The following TRAPPC12 variants were observed in gnomAD, a reference collection of about 807,000 sequenced individuals.
The protein encoded by TRAPPC12 is trafficking protein particle complex subunit 12, also known as TPR repeat protein 15.
In TRAPPC12, 61 loss-of-function variants were observed where a neutral mutation model predicts 69.2. The observed-to-expected ratio is 0.88, with a 90% confidence interval of 0.72 to 1.09. The LOEUF is 1.09. TRAPPC12 is among the 50% of genes least tolerant of loss of function. The pLI is 0.00. For synonymous variants in TRAPPC12, 469 were observed against 438.9 expected, an observed-to-expected ratio of 1.07 and a Z score of -0.86; for missense variants, 1,101 against 1,016.4, an observed-to-expected ratio of 1.08 and a Z score of -1.13.
rs748441197 is a variant in TRAPPC12 at position 3,388,548 on chromosome 2, G to A, written c.925G>A (p.Ala309Thr). ...GAGCGAGATGGACCGGAGGAACGAC[G>A]CCTGGCTTCCCGGCGAGGCTACGCG... is the stretch of plus-strand genomic sequence containing the variant. ...SMSEMDRRND[A>T]WLPGEATRGV... The change falls in exon 2 of 12, where the codon GCC becomes ACC. Residue 309 changes from alanine (A) to threonine (T), a missense_variant. Physicochemically the swap from Ala to Thr is moderately conservative, Grantham distance 58 (BLOSUM62 0). Coordinates refer to ENST00000324266, the MANE Select transcript of TRAPPC12 (RefSeq NM_016030.6). 5.6e-6 allele frequency: 9 copies of A among 1,613,074 alleles called. No individual in the cohort carries two copies. Among genetic ancestry groups the A allele is most frequent in the Non-Finnish European group, 7.6e-6 (9 of 1,179,758 alleles).
At chr2:3,442,474 C>CAT (rs1664276855) in intron 5 of TRAPPC12, among the ~76,000 whole-genome samples, 2 of 152,092 alleles carry the variant, frequency 1.3e-5, no homozygotes, top group South Asian at 4.1e-4. Context: ...TGCGGATGGT[C>CAT]TAGAAATGTT....
chr2:3,478,094 G>A (rs554009899), intron 10 of TRAPPC12: 4 of 214,952 alleles, frequency 1.9e-5, no homozygotes, highest in East Asian at 1.0e-4. Context: ...CTGGCGTAGC[G>A]GCCGTTCTGG....
intron 8 of TRAPPC12, among the ~76,000 whole-genome samples, chr2:3,463,944 G>A (rs1292201417): frequency 1.3e-5 from 2 of 152,132 alleles, no homozygotes; most frequent in African/African-American, 4.8e-5. Context: ...GGTGCAAGCT[G>A]GTGAGTGCAG....
In TRAPPC12 at chr2:3,388,039, T is replaced by C; in HGVS notation, c.416T>C (p.Val139Ala). Residue 139 changes from valine to alanine, a missense_variant, in exon 2 of 12, where the codon GTC (valine) becomes GCC (alanine). Transcript: ENST00000324266. Reference sequence around the variant, plus strand: ...CCGAGGCAGGACGCGGCCCGCGAGGTCCCAGGCAGCGAAGCCGCGCGCCCG... The same window carrying C: ...CCGAGGCAGGACGCGGCCCGCGAGGCCCCAGGCAGCGAAGCCGCGCGCCCG... ...GAPRQDAAREVPGSEAARPEQ... is the reference protein window; with the variant it reads ...GAPRQDAAREAPGSEAARPEQ... 6.7e-7 allele frequency: 1 copy of C among 1,494,520 alleles called. No individual in the cohort carries two copies. Among genetic ancestry groups the C allele is most frequent in the Admixed American group, 2.2e-5 (1 of 45,754 alleles). 92.6% of individuals were successfully genotyped at this position (1,494,520 alleles called of 1,614,324 possible). A position where few individuals can be genotyped will look rare whatever the true frequency, so the allele number is the denominator to read the frequency against.
intron 6 of TRAPPC12, 83 bp downstream of exon 6, chr2:3,443,974 C>G (rs1664368550): frequency 1.0e-6 from 1 of 972,638 alleles, no homozygotes; most frequent in Non-Finnish European, 1.6e-6. Context: ...GTGCTGTTCC[C>G]TGCCCGTCCT....
At chr2:3,423,690 T>C (rs1220801512) in intron 4 of TRAPPC12, among the ~76,000 whole-genome samples, 1 of 152,172 alleles carries the variant, frequency 6.6e-6, no homozygotes, top group African/African-American at 2.4e-5. Context: ...GAAAGCTGAG[T>C]GGTATTCCAC....
intron 8 of TRAPPC12, among the ~76,000 whole-genome samples, chr2:3,464,217 G>A (rs1396706021): frequency 2.0e-5 from 3 of 152,114 alleles, no homozygotes; most frequent in South Asian, 2.1e-4. Context: ...GCTCGCACTC[G>A]CACAGCTAGA....
chr2:3,453,277 C>T (rs549339570), intron 6 of TRAPPC12, among the ~76,000 whole-genome samples: 41 of 152,224 alleles, frequency 2.7e-4, no homozygotes, highest in Non-Finnish European at 3.4e-4. Flanking sequence ...CCCACACTGC[C>T]GGCGCCTGAC....
At chr2:3,387,283 G>T (rs1660536546) in intron 1 of TRAPPC12, among the ~76,000 whole-genome samples, 1 of 152,212 alleles carries the variant, frequency 6.6e-6, no homozygotes, top group Admixed American at 6.5e-5. Context: ...GTCACAGGAA[G>T]ACAGTTATCG....
At chr2:3,459,498 C>G (rs997617897) in intron 7 of TRAPPC12, among the ~76,000 whole-genome samples, 2 of 152,188 alleles carry the variant, frequency 1.3e-5, no homozygotes, top group Non-Finnish European at 2.9e-5. Flanking sequence ...GGGACCTTTG[C>G]AGACCCCAAG....
intron 6 of TRAPPC12, among the ~76,000 whole-genome samples, chr2:3,453,157 GTTTATTTT>G (rs1664940172): frequency 6.6e-6 from 1 of 152,186 alleles, no homozygotes; most frequent in Non-Finnish European, 1.5e-5. Flanking sequence ...TCCTCCACAG[GTTTATTTT>G]TGTGAAATCA....
Position 3,388,334 on chromosome 2 carries a change from TC to T in TRAPPC12, c.714del (p.Gly239AlafsTer60). Reference sequence around the variant, plus strand: ...CCTCCGCCTTCATTTCCGTCAGCAATCCCGGCGCGGGCTCCCCGGCCCCCGC... The same window carrying T: ...CCTCCGCCTTCATTTCCGTCAGCAATCCGGCGCGGGCTCCCCGGCCCCCGC... ...TTSAFISVSNPGAGSPAPASP... is the reference protein window; with the variant it reads ...TTSAFISVSNXGAGSPAPASP... On this transcript the variant is annotated frameshift_variant, in exon 2 of 12. Transcript: ENST00000324266. LOFTEE classifies it high-confidence loss of function. The T allele has an allele frequency of 6.3e-7, 1 of 1,596,154 alleles. No homozygotes were observed. Among genetic ancestry groups the T allele is most frequent in the Non-Finnish European group, 8.5e-7 (1 of 1,172,008 alleles).
intron 5 of TRAPPC12, among the ~76,000 whole-genome samples, chr2:3,425,588 G>T (rs1054730321): frequency 6.6e-6 from 1 of 152,168 alleles, no homozygotes; most frequent in Non-Finnish European, 1.5e-5. Context: ...AGTACCAACT[G>T]TATTTGCTGG....
chr2:3,460,639 C>T, intron 8 of TRAPPC12: 1 of 348,120 alleles, frequency 2.9e-6, no homozygotes, highest in Non-Finnish European at 5.2e-6. Context: ...GAACTCCATC[C>T]CCAGAAGGTG....
chr2:3,390,516 A>C (rs1363701574), intron 2 of TRAPPC12, among the ~76,000 whole-genome samples: 1 of 152,224 alleles, frequency 6.6e-6, no homozygotes, highest in African/African-American at 2.4e-5. Context: ...GCTTGAATAC[A>C]TTTGACTCAC....
chr2:3,403,313 A>T (rs541881153), intron 3 of TRAPPC12, among the ~76,000 whole-genome samples: 2 of 145,148 alleles, frequency 1.4e-5, no homozygotes, highest in Admixed American at 6.9e-5. Context: ...GCTCACTGCA[A>T]CCTCCACCTC....
chr2:3,449,692 C>A (rs964761720), intron 6 of TRAPPC12, among the ~76,000 whole-genome samples: 3 of 152,124 alleles, frequency 2.0e-5, no homozygotes, highest in Admixed American at 2.0e-4. Flanking sequence ...TGAGAACAGG[C>A]GTGGCTGGCC....
chr2:3,447,115 T>C (rs1055821984), intron 6 of TRAPPC12, among the ~76,000 whole-genome samples: 3 of 146,226 alleles, frequency 2.1e-5, no homozygotes, highest in Admixed American at 6.8e-5. Flanking sequence ...TTTTTTTTTT[T>C]CTTGAAGCGG....
chr2:3,388,464 G>A lies in TRAPPC12; in HGVS notation c.841G>A (p.Ala281Thr), dbSNP rs142941546. The part of the protein sequence containing the change: ...AAPPASPEPF[A>T]HIQAVFAGSD... ...GCCCCCGGCGTCGCCAGAGCCTTTCGCGCACATCCAGGCAGTGTTTGCAGG... is the reference window on the plus strand; with the variant it reads ...GCCCCCGGCGTCGCCAGAGCCTTTCACGCACATCCAGGCAGTGTTTGCAGG... Residue 281 changes from alanine (A) to threonine (T), a missense_variant, in exon 2 of 12, where the codon GCG becomes ACG. Coordinates refer to ENST00000324266, the MANE Select transcript of TRAPPC12 (RefSeq NM_016030.6). The A allele has an allele frequency of 1.2e-6, 2 of 1,611,998 alleles. No homozygotes were observed. Among genetic ancestry groups the A allele is most frequent in the Non-Finnish European group, 1.7e-6 (2 of 1,179,426 alleles).
Sources: gnomAD v4.1 joint callset for allele counts (sites outside exome capture counted in the v4.1 genomes callset) on GRCh38, gnomAD v4.1.1 for gene constraint, MANE v1.5 for transcripts, NCBI Gene and HGNC (gene_info 2026-07-23, HGNC 2026-07-21) for gene names.